GRIP1: variants seen among roughly 807,000 people sequenced by gnomAD.
The protein encoded by GRIP1 is glutamate receptor-interacting protein 1.
In GRIP1, 45 loss-of-function variants were observed where a neutral mutation model predicts 129.9. The observed-to-expected ratio is 0.35, with a 90% confidence interval of 0.27 to 0.44. The LOEUF is 0.44. Ranked by LOEUF, GRIP1 falls within the 20% of genes least tolerant of loss-of-function variation. GRIP1 has a pLI of 1.00. For missense variants in GRIP1, 1,196 were observed against 1,396.8 expected (o/e 0.86, Z 2.29); for synonymous variants, 530 against 520.8 (o/e 1.02, Z -0.24).
chr12:66,879,548 C>T (rs1223908168), intron 1 of GRIP1, among the ~76,000 whole-genome samples: 1 of 152,094 alleles, frequency 6.6e-6, no homozygotes, highest in Non-Finnish European at 1.5e-5. Flanking sequence ...TGTGAAGCCA[C>T]TCTCCAAACA....
intron 15 of GRIP1, among the ~76,000 whole-genome samples, chr12:66,420,011 C>T (rs534103598): frequency 1.1e-4 from 17 of 152,220 alleles, no homozygotes; most frequent in African/African-American, 3.1e-4. Context: ...GCAGGAGAAT[C>T]GCTTGAACCC....
chr12:66,988,135 A>G (rs1291337901), intron 1 of GRIP1, among the ~76,000 whole-genome samples: 1 of 152,234 alleles, frequency 6.6e-6, no homozygotes, highest in Non-Finnish European at 1.5e-5. Context: ...ATAAGTAATT[A>G]AGAAAGGACT....
At position 66,724,263 on chromosome 12, in the gene GRIP1, C is replaced by T. The variant is rs111622551; in HGVS notation, c.-420+79790G>A. ...ATCAGCATGCTTTTCAGCAAACTACCTCTGAGATACTTTCATGAGACAGGA... is the reference window on the plus strand; with the variant it reads ...ATCAGCATGCTTTTCAGCAAACTACTTCTGAGATACTTTCATGAGACAGGA... On this transcript the variant is annotated intron_variant, in intron 1 of 4. Coordinates refer to the GRIP1 transcript ENST00000538373. Among the ~76,000 whole-genome samples the T allele has an allele frequency of 2.9e-3, 441 of 152,260 alleles. 2 individuals carry two copies. The highest frequency in any genetic ancestry group is 0.01 in the African/African-American group (418 of 41,546).
At chr12:66,744,760 C>T (rs1451118421) in intron 1 of GRIP1, among the ~76,000 whole-genome samples, 1 of 152,138 alleles carries the variant, frequency 6.6e-6, no homozygotes, top group Non-Finnish European at 1.5e-5. Context: ...GCCTTTGACA[C>T]TACTTAAAGG....
intron 1 of GRIP1, among the ~76,000 whole-genome samples, chr12:66,776,483 G>A (rs912193219): frequency 5.9e-5 from 9 of 152,136 alleles, no homozygotes; most frequent in Non-Finnish European, 1.0e-4. Context: ...AATGACATAG[G>A]ATTATATAGC....
chr12:66,348,466 A>G lies in GRIP1; in HGVS notation c.*553T>C, dbSNP rs1331321996. On this transcript the variant is annotated 3_prime_UTR_variant, in exon 25 of 25. Coordinates refer to ENST00000359742, the MANE Select transcript of GRIP1 (RefSeq NM_001366722.1). ...TTACCACCACCTATTATGGTCTCCT[A>G]CGTGCATCATTGCTGAAACATTTTA... 2 of 161,888 alleles carry G rather than the reference A, an allele frequency of 1.2e-5. No individual in the cohort carries two copies. Among genetic ancestry groups the G allele is most frequent in the African/African-American group, 4.8e-5 (2 of 41,486 alleles). 10.0% of individuals were successfully genotyped at this position (161,888 alleles called of 1,614,324 possible).
chr12:66,618,750 G>A (rs2065146710), intron 1 of GRIP1, among the ~76,000 whole-genome samples: 1 of 151,998 alleles, frequency 6.6e-6, no homozygotes, highest in Non-Finnish European at 1.5e-5. Context: ...TGCATGTTGT[G>A]AATGAACTTT....
intron 1 of GRIP1, among the ~76,000 whole-genome samples, chr12:66,884,621 T>C (rs527634602): frequency 1.3e-5 from 2 of 151,942 alleles, no homozygotes; most frequent in African/African-American, 4.8e-5. Context: ...CAGAAAAAAA[T>C]GTAAATGGAT....
intron 1 of GRIP1, among the ~76,000 whole-genome samples, chr12:66,910,609 C>G (rs998956218): frequency 2.0e-5 from 3 of 151,926 alleles, no homozygotes; most frequent in African/African-American, 7.2e-5. Flanking sequence ...ATTTAGCACA[C>G]CTTCTCTTAA....
At chr12:66,804,573 A>G (rs186814291), upstream of GRIP1, among the ~76,000 whole-genome samples, 23 of 152,274 alleles carry the variant, frequency 1.5e-4, 1 homozygote, top group Admixed American at 1.5e-3. Context: ...GAGGAGTCCC[A>G]GCACGAGAAT....
At chr12:66,892,402 A>T (rs2040675544) in intron 1 of GRIP1, among the ~76,000 whole-genome samples, 1 of 152,146 alleles carries the variant, frequency 6.6e-6, no homozygotes, top group South Asian at 2.1e-4. Flanking sequence ...TTTAGAAATA[A>T]TTTTAGACTC....
intron 13 of GRIP1, among the ~76,000 whole-genome samples, chr12:66,441,041 G>T (rs11176181): frequency 0.061 from 9,318 of 152,218 alleles, 716 homozygotes; most frequent in East Asian, 0.18. Flanking sequence ...CAGACAGCAA[G>T]CAGAGCATCT....
intron 2 of GRIP1, among the ~76,000 whole-genome samples, chr12:66,588,961 C>T (rs893252532): frequency 4.1e-4 from 60 of 147,478 alleles, no homozygotes; most frequent in African/African-American, 1.4e-3. Flanking sequence ...ACAGCAAGAC[C>T]GTGTCCCCCT....
chr12:66,707,425 A>G (rs1471877124), intron 1 of GRIP1, among the ~76,000 whole-genome samples: 1 of 151,278 alleles, frequency 6.6e-6, no homozygotes, highest in Non-Finnish European at 1.5e-5. Flanking sequence ...TGTACGATTT[A>G]AAATTACAAA....
At chr12:66,979,170 G>A (rs2042198676) in intron 1 of GRIP1, among the ~76,000 whole-genome samples, 1 of 123,048 alleles carries the variant, frequency 8.1e-6, no homozygotes. Context: ...TGATCCCCAT[G>A]ACCCCACTTG....
At chr12:66,693,552 G>A (rs1479632864) in intron 1 of GRIP1, among the ~76,000 whole-genome samples, 3 of 152,066 alleles carry the variant, frequency 2.0e-5, no homozygotes, top group East Asian at 3.9e-4. Context: ...TAGGCCTTCC[G>A]GGGTGATATG....
chr12:66,666,033 C>T (rs1057181542), intron 1 of GRIP1, among the ~76,000 whole-genome samples: 1 of 152,230 alleles, frequency 6.6e-6, no homozygotes, highest in Admixed American at 6.5e-5. Flanking sequence ...CAGCCCTATA[C>T]TTCCCTGCAC....
intron 1 of GRIP1, among the ~76,000 whole-genome samples, chr12:66,741,189 T>G (rs1451443486): frequency 2.6e-5 from 4 of 152,236 alleles, no homozygotes; most frequent in South Asian, 2.1e-4. Flanking sequence ...AAGTGCTTTT[T>G]GTATAGGATA....
At chr12:66,625,441 A>C (rs187454555) in intron 1 of GRIP1, among the ~76,000 whole-genome samples, 1 of 152,198 alleles carries the variant, frequency 6.6e-6, no homozygotes. Context: ...CAGTGCTTTA[A>C]GTTACATCAA....
Sources: allele counts gnomAD v4.1 joint callset (sites outside exome capture counted in the v4.1 genomes callset), GRCh38; gene constraint gnomAD v4.1.1; transcripts MANE v1.5; gene names NCBI Gene and HGNC (gene_info 2026-07-23, HGNC 2026-07-21).